Variants in TSBP1 observed in about 807,000 individuals in gnomAD.
The protein encoded by TSBP1 is testis expressed basic protein 1.
In TSBP1, 56 loss-of-function variants were observed where a neutral mutation model predicts 68.8. The ratio of observed to expected loss-of-function variants is 0.81; its 90% confidence interval spans 0.66 to 1.02. The LOEUF is 1.02. Ranked by LOEUF, TSBP1 falls within the 50% of genes least tolerant of loss-of-function variation. The pLI is 0.00. For missense variants in TSBP1, 502 were observed against 641.2 expected (o/e 0.78, Z 2.34); for synonymous variants, 171 against 208.7 (o/e 0.82, Z 1.56).
intron 8 of TSBP1, 35 bp downstream of exon 8, chr6:32,355,089 A>T (rs1375724929): frequency 6.3e-7 from 1 of 1,594,916 alleles, no homozygotes; most frequent in Non-Finnish European, 8.6e-7. Context: ...AAACCAGATG[A>T]CAGTAGAATT....
intron 7 of TSBP1, 126 bp from the exon 8 acceptor site, chr6:32,355,270 C>CCAGATCAGTGA: frequency 6.5e-6 from 6 of 916,838 alleles, no homozygotes; most frequent in Non-Finnish European, 1.0e-5. Context: ...GGAGTCATCA[C>CCAGATCAGTGA]TGATCTGGTG....
rs568787106 is a variant in TSBP1, at chr6:32,293,057, T to C, written c.1616A>G (p.Asn539Ser). 9 of 1,612,634 alleles carry C rather than the reference T, an allele frequency of 5.6e-6. No homozygotes were observed. In the Admixed American group the frequency reaches 6.7e-5, roughly 12 times the overall value. Reference sequence around the variant, plus strand: ...TTTCGAGCCTTTTGATTTTTCACCATTGATTTCTGATTCTCTCTTTCCTTT... The same window carrying C: ...TTTCGAGCCTTTTGATTTTTCACCACTGATTTCTGATTCTCTCTTTCCTTT... The change falls in exon 23 of 23, where the codon AAT becomes AGT. Residue 539 changes from asparagine to serine, a missense_variant. Coordinates refer to ENST00000612031, the Ensembl canonical transcript of TSBP1.
At chr6:32,360,135 G>A (rs540334224) in intron 6 of TSBP1, among the ~76,000 whole-genome samples, 4 of 152,138 alleles carry the variant, frequency 2.6e-5, no homozygotes, top group East Asian at 1.9e-4. Context: ...TCTACATAAC[G>A]TATTTGTCAT....
chr6:32,363,696 T>C (rs1392521348), intron 6 of TSBP1, among the ~76,000 whole-genome samples: 21 of 152,026 alleles, frequency 1.4e-4, no homozygotes, highest in Admixed American at 1.3e-3. Flanking sequence ...TTTAAAAAAA[T>C]TGTATATTCA....
chr6:32,292,999 G>A lies in TSBP1; in HGVS notation c.1674C>T (p.Asn558=), dbSNP rs907133107. Residue 558 remains asparagine (N), a synonymous_variant, in exon 23 of 23, where the codon AAC becomes AAT. Coordinates refer to ENST00000612031, the Ensembl canonical transcript of TSBP1. The surrounding 1 kb of genome is among the most constrained non-coding windows in gnomAD (Gnocchi z 4.1). ...TTTATCCTTACTCTTCCACTTTTTT[G>A]TTGTACTTCCTTCCTGTATTTGCCT... The A allele has an allele frequency of 6.3e-6, 10 of 1,592,836 alleles. No homozygotes were observed. Among genetic ancestry groups the A allele is most frequent in the Non-Finnish European group, 8.5e-6 (10 of 1,174,246 alleles).
chr6:32,310,744 CAT>C (rs1554188789), intron 19 of TSBP1, among the ~76,000 whole-genome samples: 6,877 of 131,886 alleles, frequency 0.052, 253 homozygotes, highest in South Asian at 0.13. Context: ...AATATATATA[CAT>C]ATATATATAT....
chr6:32,326,484 G>A (rs905604728), intron 16 of TSBP1, among the ~76,000 whole-genome samples: 4 of 151,908 alleles, frequency 2.6e-5, no homozygotes, highest in African/African-American at 9.7e-5. Context: ...TAGTCTGATC[G>A]TGACACTGAA....
rs770789878 is a variant in TSBP1 at position 32,316,472 on chromosome 6, G to C, written c.560-680C>G. 8.8e-5 allele frequency: 125 copies of C among 1,426,700 alleles called. No individual in the cohort carries two copies. The highest frequency in any genetic ancestry group is 1.1e-4 in the Non-Finnish European group (115 of 1,037,612). 88.4% of individuals were successfully genotyped at this position (1,426,700 alleles called of 1,614,324 possible). A position where few individuals can be genotyped will look rare whatever the true frequency, so the allele number is the denominator to read the frequency against. On this transcript the variant is annotated intron_variant, in intron 18 of 22. Coordinates refer to ENST00000612031, the Ensembl canonical transcript of TSBP1. The surrounding 1 kb of genome is among the most constrained non-coding windows in gnomAD (Gnocchi z 4.5). ...TGAAAGGAGCAAGTTTCCTTCTAGGGAGAGATATTTGTGTTGGGGAGAATC... is the reference window on the plus strand; with the variant it reads ...TGAAAGGAGCAAGTTTCCTTCTAGGCAGAGATATTTGTGTTGGGGAGAATC...
intron 20 of TSBP1, among the ~76,000 whole-genome samples, chr6:32,301,037 T>A (rs1163065844): frequency 1.3e-5 from 2 of 152,122 alleles, no homozygotes; most frequent in African/African-American, 4.8e-5. Flanking sequence ...AATTTTTTTT[T>A]AATATATTTT....
At chr6:32,339,034 A>G in intron 10 of TSBP1, 35 bp from the exon 12 acceptor site, 1 of 1,587,532 alleles carries the variant, frequency 6.3e-7, no homozygotes, top group Non-Finnish European at 8.6e-7. Context: ...GTTTGAAGAG[A>G]GCATGACTCA....
At chr6:32,350,029 T>C (rs1416556091) in intron 8 of TSBP1, 1 of 686,610 alleles carries the variant, frequency 1.5e-6, no homozygotes. Flanking sequence ...TGGAGATTGC[T>C]AGTTTCTCAA....
intron 9 of TSBP1, among the ~76,000 whole-genome samples, chr6:32,349,350 G>A (rs2076542): frequency 0.34 from 51,088 of 151,832 alleles, 9,655 homozygotes; most frequent in Middle Eastern, 0.52. Flanking sequence ...GGATGCCTCA[G>A]GGAAGGCTGC....
At chr6:32,346,353 A>G (rs1337482876) in intron 9 of TSBP1, among the ~76,000 whole-genome samples, 17 of 152,066 alleles carry the variant, frequency 1.1e-4, no homozygotes, top group Admixed American at 1.1e-3. Flanking sequence ...TCCAAAGACA[A>G]TTCCTCATCT....
At position 32,302,611 on chromosome 6, in the gene TSBP1, G is replaced by T; in HGVS notation, c.599C>A (p.Thr200Asn). Residue 200 changes from threonine (T) to asparagine (N), a missense_variant and splice_region_variant, in exon 20 of 23, where the codon ACT becomes AAT. Transcript: ENST00000612031. The surrounding 1 kb of genome is among the most constrained non-coding windows in gnomAD (Gnocchi z 5.1). ...ATAAAAATATATTAGGAACTTACTA[G>T]TGTGAACTTGAGGTATTCCTGAAAA... 1 of 1,547,402 alleles carries T rather than the reference G, an allele frequency of 6.5e-7. No homozygotes were observed. Among genetic ancestry groups the T allele is most frequent in the South Asian group, 1.2e-5 (1 of 82,804 alleles).
In TSBP1 at chr6:32,314,010, A is replaced by C. The variant is rs2127578846; in HGVS notation, c.580+1762T>G. Among the ~76,000 whole-genome samples, 1 of 150,812 alleles carries C rather than the reference A, an allele frequency of 6.6e-6. No homozygotes were observed. The highest frequency in any genetic ancestry group is 2.1e-4 in the South Asian group (1 of 4,708). The stretch of plus-strand genomic sequence containing the variant: ...CCACCATCTAGGATCAGGTGTTGAA[A>C]CCCTACCTTTGTTCCTGAGGCAAAG... On this transcript the variant is annotated intron_variant, in intron 19 of 22. Transcript: ENST00000612031. The surrounding 1 kb of genome is among the most constrained non-coding windows in gnomAD (Gnocchi z 4.2).
chr6:32,371,129 T>C (rs535157797), intron 1 of TSBP1, among the ~76,000 whole-genome samples: 6 of 152,270 alleles, frequency 3.9e-5, no homozygotes, highest in East Asian at 1.9e-4. Flanking sequence ...TTTCTACTAA[T>C]GTACCTCTAA....
rs1765395215 is a variant in TSBP1 at position 32,302,339 on chromosome 6, C to T, written c.601+270G>A. Among the ~76,000 whole-genome samples the T allele has an allele frequency of 6.6e-6, 1 of 152,004 alleles. No homozygotes were observed. The highest frequency in any genetic ancestry group is 2.4e-5 in the African/African-American group (1 of 41,398). ...GCATGGTGGCACACATCTGTAGTCCCAGCTACTCAGGAGGCTGAGGCAGGA... is the reference window on the plus strand; with the variant it reads ...GCATGGTGGCACACATCTGTAGTCCTAGCTACTCAGGAGGCTGAGGCAGGA... On this transcript the variant is annotated intron_variant, in intron 20 of 22. Coordinates refer to ENST00000612031, the Ensembl canonical transcript of TSBP1. This position sits in a 1 kb window ranked among gnomAD's most constrained non-coding sequence, Gnocchi z 5.1.
At chr6:32,320,308 G>C (rs1248999659) in intron 18 of TSBP1, 2 of 440,536 alleles carry the variant, frequency 4.5e-6, no homozygotes, top group Non-Finnish European at 9.1e-6. Context: ...ACCCTGGACA[G>C]ATCCAACTCT....
chr6:32,322,194 T>C (rs1767708043), intron 18 of TSBP1, among the ~76,000 whole-genome samples: 1 of 152,244 alleles, frequency 6.6e-6, no homozygotes, highest in Non-Finnish European at 1.5e-5. Flanking sequence ...TAGGACATAG[T>C]GTGAAAGGCG....
Sources: allele counts gnomAD v4.1 joint callset (sites outside exome capture counted in the v4.1 genomes callset), GRCh38; gene constraint gnomAD v4.1.1; non-coding constraint Gnocchi (gnomAD v3.1); transcripts MANE v1.5; gene names NCBI Gene and HGNC (gene_info 2026-07-23, HGNC 2026-07-21).